NRXN1: variants seen among roughly 807,000 people sequenced by gnomAD.
NRXN1 encodes the protein neurexin-1.
A neutral mutation model predicts 150.9 loss-of-function variants in NRXN1; 39 were observed. That is an observed-to-expected ratio of 0.26 (90% CI 0.20 to 0.34). The LOEUF (loss-of-function observed/expected upper bound fraction) is 0.34, where lower values mean the gene tolerates loss of function less well. Among genes scored for constraint, NRXN1 ranks in the 10% least tolerant of loss-of-function variants. The pLI is 1.00. For synonymous variants in NRXN1, 924 were observed against 757.0 expected, an observed-to-expected ratio of 1.22 and a Z score of -3.62; for missense variants, 1,815 against 1,949.9, an observed-to-expected ratio of 0.93 and a Z score of 1.30.
At chr2:50,016,670 A>G (rs1426181790) in intron 21 of NRXN1, 1 of 152,206 alleles carries the variant, frequency 6.6e-6, no homozygotes, top group Non-Finnish European at 1.5e-5. Flanking sequence ...TCACGAGAAC[A>G]GCATGGGGAA....
intron 5 of NRXN1, among the ~76,000 whole-genome samples, chr2:50,757,430 A>T (rs1289197348): frequency 4.0e-5 from 6 of 151,882 alleles, no homozygotes; most frequent in Non-Finnish European, 8.8e-5. Context: ...GAAGTACAGA[A>T]TGGATGATAG....
intron 21 of NRXN1, among the ~76,000 whole-genome samples, chr2:50,046,246 C>T (rs990630028): frequency 4.6e-5 from 7 of 152,152 alleles, no homozygotes; most frequent in Admixed American, 6.5e-5. Context: ...TCCTCATGGA[C>T]CTCACGATAA....
intron 2 of NRXN1, among the ~76,000 whole-genome samples, chr2:50,975,579 G>C (rs1040000855): frequency 1.3e-5 from 2 of 152,040 alleles, no homozygotes; most frequent in Non-Finnish European, 2.9e-5. Flanking sequence ...CTGCCTTTGA[G>C]TCTCATTTTA....
At chr2:50,758,737 G>A (rs1447367163) in intron 5 of NRXN1, among the ~76,000 whole-genome samples, 1 of 151,884 alleles carries the variant, frequency 6.6e-6, no homozygotes, top group Non-Finnish European at 1.5e-5. Flanking sequence ...CACAGATCCT[G>A]TGGATCAACT....
intron 18 of NRXN1, among the ~76,000 whole-genome samples, chr2:50,232,101 C>G (rs1321844970): frequency 1.3e-5 from 2 of 151,940 alleles, no homozygotes; most frequent in Non-Finnish European, 2.9e-5. Context: ...GAAGAAATAT[C>G]AAGACAGAAA....
intron 19 of NRXN1, among the ~76,000 whole-genome samples, chr2:50,055,485 T>G (rs556736036): frequency 6.6e-6 from 1 of 152,298 alleles, no homozygotes; most frequent in East Asian, 1.9e-4. Context: ...TCACCAAACT[T>G]AATACCATAT....
intron 17 of NRXN1, among the ~76,000 whole-genome samples, chr2:50,323,096 T>A (rs919764610): frequency 3.9e-5 from 6 of 152,202 alleles, no homozygotes; most frequent in Non-Finnish European, 8.8e-5. Flanking sequence ...ATCGGAAGCT[T>A]TCTTCCACCC....
intron 2 of NRXN1, among the ~76,000 whole-genome samples, chr2:50,926,165 C>T (rs1348556801): frequency 6.6e-6 from 1 of 151,924 alleles, no homozygotes. Context: ...GACAAACTTT[C>T]ATAATACTGC....
intron 19 of NRXN1, among the ~76,000 whole-genome samples, chr2:50,079,961 CA>C (rs1356599028): frequency 6.6e-6 from 1 of 151,974 alleles, no homozygotes; most frequent in Non-Finnish European, 1.5e-5. Context: ...TAGAAATAAG[CA>C]ATTCATGCCA....
At chr2:50,729,545 G>A (rs181987204) in intron 5 of NRXN1, among the ~76,000 whole-genome samples, 7 of 152,268 alleles carry the variant, frequency 4.6e-5, no homozygotes, top group Admixed American at 1.3e-4. Context: ...GAGCTTTTAC[G>A]CATGGTCTTC....
intron 5 of NRXN1, among the ~76,000 whole-genome samples, chr2:50,852,865 A>G (rs941436238): frequency 1.3e-5 from 2 of 152,202 alleles, no homozygotes; most frequent in Non-Finnish European, 2.9e-5. Flanking sequence ...CATATTAATG[A>G]TAACATTTTA....
At chr2:50,327,518 CA>C (rs68065012) in intron 17 of NRXN1, among the ~76,000 whole-genome samples, 143,135 of 152,276 alleles carry the variant, frequency 0.94, 67,407 homozygotes, top group East Asian at 1. Context: ...AAAACTTGCA[CA>C]ATTGTATTGT....
intron 17 of NRXN1, among the ~76,000 whole-genome samples, chr2:50,395,847 A>G (rs1451656918): frequency 1.3e-5 from 2 of 152,076 alleles, no homozygotes; most frequent in South Asian, 4.1e-4. Flanking sequence ...TGATGGCTAC[A>G]TTGGTCATTT....
intron 17 of NRXN1, among the ~76,000 whole-genome samples, chr2:50,307,896 A>G (rs965506709): frequency 6.6e-6 from 1 of 152,236 alleles, no homozygotes; most frequent in African/African-American, 2.4e-5. Context: ...CTACTTTGAA[A>G]ACCAAGAAGA....
rs143927866 is a variant in NRXN1, at chr2:50,008,922, T to C, written c.4128+44349A>G. Among the ~76,000 whole-genome samples, 1,274 of 152,214 alleles carry C rather than the reference T, an allele frequency of 8.4e-3. 15 individuals carry two copies. The highest frequency in any genetic ancestry group is 0.029 in the African/African-American group (1,198 of 41,566). Reference sequence around the variant, plus strand: ...GTGAGAGGGTGTTATCAATGTTAATTACAAAGTTTTTAAGAGTTGATAAAT... The same window carrying C: ...GTGAGAGGGTGTTATCAATGTTAATCACAAAGTTTTTAAGAGTTGATAAAT... On this transcript the variant is annotated intron_variant, in intron 21 of 22. Transcript: ENST00000401669.
chr2:50,762,345 T>A (rs1701896807), intron 5 of NRXN1, among the ~76,000 whole-genome samples: 1 of 151,756 alleles, frequency 6.6e-6, no homozygotes, highest in Admixed American at 6.6e-5. Flanking sequence ...TTTTTTCAAC[T>A]TTTAATTTTT....
intron 17 of NRXN1, among the ~76,000 whole-genome samples, chr2:50,439,270 A>C (rs2104436001): frequency 6.6e-6 from 1 of 152,334 alleles, no homozygotes; most frequent in East Asian, 1.9e-4. Flanking sequence ...GCCCCTGAAA[A>C]GTTGTCACAT....
chr2:50,541,539 G>T (rs1313107433), intron 9 of NRXN1, among the ~76,000 whole-genome samples: 1 of 152,118 alleles, frequency 6.6e-6, no homozygotes, highest in Non-Finnish European at 1.5e-5. Flanking sequence ...GCAAAGTATT[G>T]TAAGAGAGTT....
At chr2:50,738,467 G>A (rs1699035993) in intron 5 of NRXN1, among the ~76,000 whole-genome samples, 1 of 152,172 alleles carries the variant, frequency 6.6e-6, no homozygotes, top group African/African-American at 2.4e-5. Flanking sequence ...CACACAAAAA[G>A]CTCTACTTTT....
Sources: gnomAD v4.1 joint callset for allele counts (sites outside exome capture counted in the v4.1 genomes callset) on GRCh38, gnomAD v4.1.1 for gene constraint, MANE v1.5 for transcripts, NCBI Gene and HGNC (gene_info 2026-07-23, HGNC 2026-07-21) for gene names.